The following LPP variants were observed in gnomAD, a reference collection of about 807,000 sequenced individuals.
The protein encoded by LPP is lipoma-preferred partner.
LPP carries 38 observed loss-of-function variants against 60.4 expected under a neutral mutation model. The ratio of observed to expected loss-of-function variants is 0.63; its 90% CI spans 0.49 to 0.83. The LOEUF (loss-of-function observed/expected upper bound fraction) is 0.83. Ranked by LOEUF, LPP falls within the 40% of genes least tolerant of loss-of-function variation. The probability of loss-of-function intolerance (pLI) is 0.00; values close to 1 mark genes in which losing one functional copy is unlikely to be tolerated. For missense variants in LPP, 902 were observed against 783.6 expected (o/e 1.15, Z -1.80); for synonymous variants, 328 against 290.8 (o/e 1.13, Z -1.30).
chr3:188,834,324 G>GTTTTTTTTTTTTTTTTTTTTTTTTT (rs71867135), intron 9 of LPP, among the ~76,000 whole-genome samples: 1 of 34,096 alleles, frequency 2.9e-5, no homozygotes, highest in Non-Finnish European at 5.0e-5. Flanking sequence ...CTTTTTGGGT[G>GTTTTTTTTTTTTTTTTTTTTTTTTT]TTTTTTTTTT....
At chr3:188,344,036 G>A (rs749636315) in intron 3 of LPP, among the ~76,000 whole-genome samples, 32 of 152,096 alleles carry the variant, frequency 2.1e-4, no homozygotes, top group Admixed American at 8.5e-4. Flanking sequence ...TGCACTCCAC[G>A]GAATCTGCAA....
intron 2 of LPP, among the ~76,000 whole-genome samples, chr3:188,277,474 T>C (rs1263590807): frequency 6.6e-6 from 1 of 152,216 alleles, no homozygotes; most frequent in African/African-American, 2.4e-5. Flanking sequence ...AAATTTTAGT[T>C]TCTTTCCTTT....
intron 7 of LPP, among the ~76,000 whole-genome samples, chr3:188,665,110 ATTGTTTTATGTTTTCTGTTGCTCCACT>A (rs1855476308): frequency 1.3e-5 from 2 of 152,136 alleles, no homozygotes; most frequent in African/African-American, 4.8e-5. Context: ...AGGATGGTGT[ATTGTTTTATGTTTTCTGTTGCTCCACT>A]CAAATTCAAA....
chr3:188,288,530 C>T (rs1226840691), intron 2 of LPP, among the ~76,000 whole-genome samples: 5 of 152,020 alleles, frequency 3.3e-5, no homozygotes, highest in African/African-American at 9.6e-5. Context: ...CCCTTCACGT[C>T]GTTGTCCAGA....
chr3:188,444,564 A>G (rs1794770024), intron 4 of LPP, among the ~76,000 whole-genome samples: 1 of 152,222 alleles, frequency 6.6e-6, no homozygotes, highest in Non-Finnish European at 1.5e-5. Flanking sequence ...CATTTAGGAC[A>G]TAGGCATGGG....
At chr3:188,582,154 CTTTTTTTTTTTTTT>C (rs10565240) in intron 6 of LPP, among the ~76,000 whole-genome samples, 2 of 102,230 alleles carry the variant, frequency 2.0e-5, no homozygotes, top group Non-Finnish European at 3.7e-5. Context: ...TTTTCTTTTT[CTTTTTTTTTTTTTT>C]TTTTTTTTTT....
At position 188,357,199 on chromosome 3, in the gene LPP, T is replaced by C. The variant is rs1241668558; in HGVS notation, c.-10+15480T>C. On this transcript the variant is annotated intron_variant, in intron 3 of 11. Transcript: ENST00000617246. ...GAGTTAGTGACACTAACAAAAAGCC[T>C]TCATGTATCAACATAAAAAAATCAA... Among the ~76,000 whole-genome samples, 5 of 152,200 alleles carry C rather than the reference T, an allele frequency of 3.3e-5. 1 individual carries two copies. The highest frequency in any genetic ancestry group is 5.9e-5 in the Non-Finnish European group (4 of 68,034).
chr3:188,833,171 G>T (rs1456020685), intron 9 of LPP, among the ~76,000 whole-genome samples: 1 of 152,146 alleles, frequency 6.6e-6, no homozygotes, highest in African/African-American at 2.4e-5. Flanking sequence ...GTAAATATTT[G>T]TCAAAGCTGG....
intron 10 of LPP, among the ~76,000 whole-genome samples, chr3:188,869,691 G>A (rs570565361): frequency 2.0e-5 from 3 of 152,192 alleles, no homozygotes; most frequent in South Asian, 2.1e-4. Context: ...TCTGGAGTGG[G>A]GCCTAAGATT....
At chr3:188,189,655 T>A (rs892242363) in intron 1 of LPP, among the ~76,000 whole-genome samples, 1 of 151,990 alleles carries the variant, frequency 6.6e-6, no homozygotes, top group African/African-American at 2.4e-5. Flanking sequence ...CCAAGATGAT[T>A]TGAAAAGAAT....
In LPP at chr3:188,887,756, C is replaced by A. The variant is rs1337297105; in HGVS notation, c.*13277C>A. The A allele has an allele frequency of 3.3e-5, 7 of 209,314 alleles. No individual in the cohort carries two copies. The highest frequency in any genetic ancestry group is 1.9e-5 in the Non-Finnish European group (2 of 102,924). 13.0% of individuals were successfully genotyped at this position (209,314 alleles called of 1,614,324 possible). ...TATCTTTGATGAAAGACATTTAGGA[C>A]CCTAGAAACTAAATCTTGTCACCAA... On this transcript the variant is annotated 3_prime_UTR_variant, in exon 12 of 12. Coordinates refer to ENST00000617246, the MANE Select transcript of LPP (RefSeq NM_001375462.1).
chr3:188,796,005 T>C (rs1222650314), intron 9 of LPP, among the ~76,000 whole-genome samples: 2 of 152,192 alleles, frequency 1.3e-5, no homozygotes, highest in African/African-American at 4.8e-5. Flanking sequence ...CCAATCTCAG[T>C]TGACAGCCTA....
chr3:188,810,615 A>G (rs754200575), intron 9 of LPP, among the ~76,000 whole-genome samples: 26 of 152,166 alleles, frequency 1.7e-4, no homozygotes, highest in Non-Finnish European at 3.1e-4. Context: ...GTATGTATGT[A>G]TAGGAAAAAA....
rs377363174 is a variant in LPP at position 188,292,066 on chromosome 3, C to G, written c.-66-49597C>G. Among the ~76,000 whole-genome samples the G allele has an allele frequency of 2.0e-4, 31 of 152,304 alleles. No homozygotes were observed. In the South Asian group the frequency reaches 6.4e-3, roughly 32 times the overall value. On this transcript the variant is annotated intron_variant, in intron 2 of 11. Transcript: ENST00000617246. ...CATCTTGTTTCTCCCCAAGTTTAAA[C>G]AGCAATGAGTCTCTAGGACCTTCGG...
chr3:188,316,695 C>T (rs769393110), intron 2 of LPP, among the ~76,000 whole-genome samples: 1 of 152,204 alleles, frequency 6.6e-6, no homozygotes, highest in East Asian at 1.9e-4. Context: ...TGACCTCTTC[C>T]TATGTCTCAT....
chr3:188,399,679 A>G (rs1781784205), intron 3 of LPP, among the ~76,000 whole-genome samples: 1 of 152,244 alleles, frequency 6.6e-6, no homozygotes, highest in Non-Finnish European at 1.5e-5. Flanking sequence ...CCCTTGAATC[A>G]GAGTATATAC....
At chr3:188,718,323 T>G (rs1714925221) in intron 8 of LPP, among the ~76,000 whole-genome samples, 1 of 152,228 alleles carries the variant, frequency 6.6e-6, no homozygotes, top group Admixed American at 6.5e-5. Context: ...TCCGATGGCA[T>G]GAAGAGGAAT....
Position 188,581,872 on chromosome 3 carries a change from A to G in LPP, c.430-27289A>G, listed in dbSNP as rs185187533. Among the ~76,000 whole-genome samples, 89 of 152,124 alleles carry G rather than the reference A, an allele frequency of 5.9e-4. 1 individual carries two copies. Among genetic ancestry groups the G allele is most frequent in the African/African-American group, 2.0e-3 (82 of 41,494 alleles). On this transcript the variant is annotated intron_variant, in intron 6 of 11. Transcript: ENST00000617246. ...CTTTCTTTTTCCTCACCAGTCTCTT[A>G]TATTTCCTTTATTATCCAACTTACA...
At chr3:188,513,492 A>AAATAGTTCATCTTATTGTGATTATTCTT (rs543940305) in intron 5 of LPP, among the ~76,000 whole-genome samples, 140 of 152,230 alleles carry the variant, frequency 9.2e-4, no homozygotes, top group Non-Finnish European at 1.4e-3. Flanking sequence ...TTTTACTGTC[A>AAATAGTTCATCTTATTGTGATTATTCTT]AATAGTTCAT....
Sources: gnomAD v4.1 joint callset for allele counts (sites outside exome capture counted in the v4.1 genomes callset) on GRCh38, gnomAD v4.1.1 for gene constraint, MANE v1.5 for transcripts, NCBI Gene and HGNC (gene_info 2026-07-23, HGNC 2026-07-21) for gene names.